KIF3B: variants seen among roughly 807,000 people sequenced by gnomAD.
KIF3B encodes the protein kinesin-like protein KIF3B.
In KIF3B, 38 loss-of-function variants were observed where a neutral mutation model predicts 74.3. That is an observed-to-expected ratio of 0.51 (90% CI 0.39 to 0.67). The LOEUF is 0.67. Ranked by LOEUF, KIF3B falls within the 30% of genes least tolerant of loss-of-function variation. The probability of loss-of-function intolerance (pLI) is 0.00; values close to 1 mark genes in which losing one functional copy is unlikely to be tolerated. For missense variants in KIF3B, 649 were observed against 932.0 expected, an observed-to-expected ratio of 0.70 and a Z score of 3.95; for synonymous variants, 326 against 342.5, an observed-to-expected ratio of 0.95 and a Z score of 0.53.
intron 5 of KIF3B, among the ~76,000 whole-genome samples, chr20:32,321,737 C>G (rs973217681): frequency 9.2e-5 from 14 of 152,104 alleles, no homozygotes; most frequent in African/African-American, 3.4e-4. Flanking sequence ...TTGTGGAAAC[C>G]CTGCATAAAG....
At position 32,290,800 on chromosome 20, in the gene KIF3B, G is replaced by A. The variant is rs552927989; in HGVS notation, c.-66+13035G>A. ...AGGCTGAGGTGGGAGGATTGCTTGA[G>A]CCTAGGAGTTCAAGGATGCAGTGAG... On this transcript the variant is annotated intron_variant, in intron 1 of 8. Transcript: ENST00000375712. Among the ~76,000 whole-genome samples, 3 of 151,374 alleles carry A rather than the reference G, an allele frequency of 2.0e-5. No homozygotes were observed. The East Asian group carries it at 5.9e-4, about 30-fold the overall frequency.
At chr20:32,315,519 A>G (rs1416245182) in intron 2 of KIF3B, among the ~76,000 whole-genome samples, 1 of 152,130 alleles carries the variant, frequency 6.6e-6, no homozygotes, top group Non-Finnish European at 1.5e-5. Context: ...AGCCCAGACA[A>G]CATAGCAAGA....
chr20:32,330,041 A>C, intron 7 of KIF3B, 100 bp from the exon 8 acceptor site: 1 of 1,076,106 alleles, frequency 9.3e-7, no homozygotes, highest in Non-Finnish European at 1.3e-6. Flanking sequence ...CCTGAATAAC[A>C]AGCAATTTGC....
chr20:32,282,980 G>A (rs769572231), intron 1 of KIF3B, among the ~76,000 whole-genome samples: 23 of 152,146 alleles, frequency 1.5e-4, no homozygotes, highest in Non-Finnish European at 2.8e-4. Context: ...ATTCAACATT[G>A]TGAATAGTAA....
Position 32,310,743 on chromosome 20 carries a change from C to T in KIF3B, c.966C>T (p.Tyr322=), listed in dbSNP as rs767267631. 1.9e-6 allele frequency: 3 copies of T among 1,614,032 alleles called. No homozygotes were observed. The highest frequency in any genetic ancestry group is 2.2e-5 in the South Asian group (2 of 91,090). The part of the protein sequence containing the change: ...VMVANVGPAS[Y]NVEETLTTLR... ...TGGCCAACGTGGGGCCTGCCTCTTACAACGTAGAAGAGACTCTGACCACTC... is the reference window on the plus strand; with the variant it reads ...TGGCCAACGTGGGGCCTGCCTCTTATAACGTAGAAGAGACTCTGACCACTC... The change falls in exon 2 of 9, where the codon TAC becomes TAT. Residue 322 remains tyrosine (Y), a synonymous_variant. Coordinates refer to ENST00000375712, the MANE Select transcript of KIF3B (RefSeq NM_004798.4). This position sits in a 1 kb window ranked among gnomAD's most constrained non-coding sequence, Gnocchi z 6.5.
In KIF3B at chr20:32,332,733, CAG is replaced by C. The variant is rs2047936228; in HGVS notation, c.*1418_*1419del. ...TGTCCATATGTGTCTGTAAGAGAGACAGAGACCAAGAACTTGCCCAATTTTAG... is the reference window on the plus strand; with the variant it reads ...TGTCCATATGTGTCTGTAAGAGAGACAGACCAAGAACTTGCCCAATTTTAG... On this transcript the variant is annotated 3_prime_UTR_variant, in exon 9 of 9. Coordinates refer to ENST00000375712, the MANE Select transcript of KIF3B (RefSeq NM_004798.4). 1 of 152,316 alleles carries C rather than the reference CAG, an allele frequency of 6.6e-6. No homozygotes were observed. Among genetic ancestry groups the C allele is most frequent in the Non-Finnish European group, 1.5e-5 (1 of 68,048 alleles). 9.4% of individuals were successfully genotyped at this position (152,316 alleles called of 1,614,324 possible).
Position 32,327,620 on chromosome 20 carries a change from G to T in KIF3B, c.1927G>T (p.Ala643Ser). ...ATATAAGAGACCATTGAGCCAGCAC[G>T]CAAGAATGTCCATGATGATTCGTCC... ...VGYKRPLSQHARMSMMIRPEA... is the reference protein window; with the variant it reads ...VGYKRPLSQHSRMSMMIRPEA... Residue 643 changes from alanine (A) to serine (S), a missense_variant, in exon 7 of 9, where the codon GCA (alanine) becomes TCA (serine). By Grantham distance (99) the Ala-to-Ser change is moderately conservative. Transcript: ENST00000375712. 2 of 1,613,264 alleles carry T rather than the reference G, an allele frequency of 1.2e-6. No homozygotes were observed. Among genetic ancestry groups the T allele is most frequent in the Middle Eastern group, 1.7e-4 (1 of 6,058 alleles).
At chr20:32,308,725 A>AT (rs2122689482) in intron 1 of KIF3B, among the ~76,000 whole-genome samples, 1 of 131,922 alleles carries the variant, frequency 7.6e-6, no homozygotes, top group African/African-American at 2.9e-5. Context: ...TTTTTATTTT[A>AT]CTTTTTTTTT....
rs1338951777 is a variant in KIF3B, at chr20:32,306,622, G to A, written c.-65-3091G>A. Among the ~76,000 whole-genome samples, 7 of 112,124 alleles carry A rather than the reference G, an allele frequency of 6.2e-5. 1 individual carries two copies. The highest frequency in any genetic ancestry group is 1.8e-4 in the African/African-American group (5 of 28,524). The allele number at this position is 112,124 out of a possible 152,430, so 73.6% of individuals were successfully genotyped here. ...TTTTTTTTTTTTGAGACGGAGTCTC[G>A]CTGTGTCACCAGGCTGGAGTGCAGT... On this transcript the variant is annotated intron_variant, in intron 1 of 8. Coordinates refer to ENST00000375712, the MANE Select transcript of KIF3B (RefSeq NM_004798.4).
At position 32,333,028 on chromosome 20, in the gene KIF3B, G is replaced by A. The variant is rs1261237060; in HGVS notation, c.*1709G>A. ...GGATCAGAACCCATGGGAAACAGGAGGTACTAAGTGCAATGTCTTAGCATT... is the reference window on the plus strand; with the variant it reads ...GGATCAGAACCCATGGGAAACAGGAAGTACTAAGTGCAATGTCTTAGCATT... On this transcript the variant is annotated 3_prime_UTR_variant, in exon 9 of 9. Coordinates refer to ENST00000375712, the MANE Select transcript of KIF3B (RefSeq NM_004798.4). 1 of 152,584 alleles carries A rather than the reference G, an allele frequency of 6.6e-6. No homozygotes were observed. The allele number at this position is 152,584 out of a possible 1,614,324, so 9.5% of individuals were successfully genotyped here.
At chr20:32,325,279 C>T (rs2047897007) in intron 5 of KIF3B, among the ~76,000 whole-genome samples, 1 of 151,724 alleles carries the variant, frequency 6.6e-6, no homozygotes, top group Non-Finnish European at 1.5e-5. Context: ...ACCTCTGCCT[C>T]CCAGGTTCAA....
chr20:32,324,289 A>C (rs1015542614), intron 5 of KIF3B, among the ~76,000 whole-genome samples: 14 of 152,120 alleles, frequency 9.2e-5, no homozygotes, highest in Non-Finnish European at 1.6e-4. Flanking sequence ...ATGATGTCTG[A>C]GCCCCACCTC....
At chr20:32,322,724 T>C (rs1279938957) in intron 5 of KIF3B, among the ~76,000 whole-genome samples, 1 of 37,446 alleles carries the variant, frequency 2.7e-5, no homozygotes, top group Non-Finnish European at 4.4e-5. Context: ...ATATTTATAT[T>C]TATTTATTTA....
At chr20:32,321,658 C>T (rs547156888) in intron 5 of KIF3B, among the ~76,000 whole-genome samples, 5 of 152,000 alleles carry the variant, frequency 3.3e-5, no homozygotes, top group Admixed American at 6.6e-5. Context: ...CATATTCAAA[C>T]ATACTTTGTT....
chr20:32,326,058 C>T (rs2047902552), intron 5 of KIF3B, among the ~76,000 whole-genome samples: 1 of 152,094 alleles, frequency 6.6e-6, no homozygotes, highest in Non-Finnish European at 1.5e-5. Context: ...TGTGTCCCTT[C>T]CATGTTCATT....
chr20:32,287,358 G>A (rs573532713), intron 1 of KIF3B, among the ~76,000 whole-genome samples: 12 of 151,686 alleles, frequency 7.9e-5, no homozygotes, highest in South Asian at 2.1e-4. Flanking sequence ...GTGTCGCTCC[G>A]TTGCCCAGGC....
chr20:32,287,900 T>TC (rs1368646167), intron 1 of KIF3B, among the ~76,000 whole-genome samples: 15 of 128,722 alleles, frequency 1.2e-4, no homozygotes, highest in Non-Finnish European at 1.7e-4. Flanking sequence ...TTTTTTTTTT[T>TC]CAGATGGAGT....
chr20:32,316,922 T>C (rs1272162436), intron 5 of KIF3B, 48 bp downstream of exon 5: 1 of 1,320,140 alleles, frequency 7.6e-7, no homozygotes, highest in Non-Finnish European at 1.1e-6. Flanking sequence ...TGCTGAGTCA[T>C]TGATCTCGTT....
At chr20:32,294,352 T>C (rs2047706849) in intron 1 of KIF3B, among the ~76,000 whole-genome samples, 1 of 152,208 alleles carries the variant, frequency 6.6e-6, no homozygotes, top group African/African-American at 2.4e-5. Flanking sequence ...TTTAGGTTTC[T>C]TTCCGGAGAA....
Sources: gnomAD v4.1 joint callset for allele counts (sites outside exome capture counted in the v4.1 genomes callset) on GRCh38, gnomAD v4.1.1 for gene constraint, Gnocchi (gnomAD v3.1) non-coding constraint, MANE v1.5 for transcripts, NCBI Gene and HGNC (gene_info 2026-07-23, HGNC 2026-07-21) for gene names.